The following NDUFAF2 variants were observed in gnomAD, a reference collection of about 807,000 sequenced individuals.
NDUFAF2 encodes NADH dehydrogenase [ubiquinone] 1 alpha subcomplex assembly factor 2.
In NDUFAF2, 13 loss-of-function variants were observed where a neutral mutation model predicts 22.8. The observed-to-expected ratio is 0.57, with a 90% confidence interval of 0.37 to 0.91. NDUFAF2 has a LOEUF of 0.91. Among genes scored for constraint, NDUFAF2 ranks in the 40% least tolerant of loss-of-function variants. The pLI, the probability that NDUFAF2 is intolerant of heterozygous loss-of-function variation, is 0.01. For missense variants in NDUFAF2, 162 were observed against 195.2 expected, an observed-to-expected ratio of 0.83 and a Z score of 1.01; for synonymous variants, 53 against 64.2, an observed-to-expected ratio of 0.83 and a Z score of 0.84.
At chr5:61,126,982 C>A (rs1328474371) in intron 3 of NDUFAF2, among the ~76,000 whole-genome samples, 1 of 152,088 alleles carries the variant, frequency 6.6e-6, no homozygotes, top group Admixed American at 6.6e-5. Flanking sequence ...GAAATACAAA[C>A]TACCATCAGA....
chr5:61,097,480 CA>C (rs995241028), intron 2 of NDUFAF2, among the ~76,000 whole-genome samples: 3 of 152,182 alleles, frequency 2.0e-5, no homozygotes, highest in African/African-American at 7.2e-5. Context: ...ATGGTAAAGT[CA>C]AAAATCCTAA....
At chr5:61,042,167 C>A (rs1344044347) in intron 1 of NDUFAF2, among the ~76,000 whole-genome samples, 1 of 152,058 alleles carries the variant, frequency 6.6e-6, no homozygotes, top group Non-Finnish European at 1.5e-5. Flanking sequence ...ATTATTTAAC[C>A]TTATTCAAAA....
intron 3 of NDUFAF2, among the ~76,000 whole-genome samples, chr5:61,147,590 G>A (rs191423212): frequency 2.2e-4 from 34 of 151,656 alleles, no homozygotes; most frequent in Non-Finnish European, 1.9e-4. Flanking sequence ...TTACTTTTAA[G>A]TTTTGTTAGA....
chr5:61,098,958 G>A, intron 2 of NDUFAF2, 34 bp from the exon 3 acceptor site: 1 of 1,564,116 alleles, frequency 6.4e-7, no homozygotes, highest in South Asian at 1.1e-5. Flanking sequence ...TAAATTATGG[G>A]AAACTGACAT....
chr5:61,093,134 G>C (rs1311561799), intron 2 of NDUFAF2, among the ~76,000 whole-genome samples: 1 of 152,206 alleles, frequency 6.6e-6, no homozygotes, highest in Non-Finnish European at 1.5e-5. Context: ...AGAAGGCTCA[G>C]CAAGTCTGCT....
At position 61,063,577 on chromosome 5, in the gene NDUFAF2, G is replaced by A. The variant is rs992969139; in HGVS notation, c.128-9548G>A. Among the ~76,000 whole-genome samples, 6 of 152,090 alleles carry A rather than the reference G, an allele frequency of 3.9e-5. No individual in the cohort carries two copies. The East Asian group carries it at 7.7e-4, about 19-fold the overall frequency. On this transcript the variant is annotated intron_variant, in intron 1 of 3. Coordinates refer to ENST00000296597, the MANE Select transcript of NDUFAF2 (RefSeq NM_174889.5). ...AAGTTGTTAAGGAATACAAAAAGATGTAGACTGTGGTATCAAAAATGTAAA... is the reference window on the plus strand; with the variant it reads ...AAGTTGTTAAGGAATACAAAAAGATATAGACTGTGGTATCAAAAATGTAAA...
intron 2 of NDUFAF2, among the ~76,000 whole-genome samples, chr5:61,075,888 A>G (rs1752362663): frequency 6.6e-6 from 1 of 152,204 alleles, no homozygotes; most frequent in Non-Finnish European, 1.5e-5. Context: ...AGATTAAACA[A>G]TGTGCCCTTT....
At chr5:60,976,903 A>C (rs1309361804) in intron 1 of NDUFAF2, among the ~76,000 whole-genome samples, 1 of 152,188 alleles carries the variant, frequency 6.6e-6, no homozygotes, top group African/African-American at 2.4e-5. Context: ...AGCTTCTGCC[A>C]CTTGCATTCA....
chr5:61,001,350 G>A (rs538585950), intron 1 of NDUFAF2, among the ~76,000 whole-genome samples: 8 of 152,188 alleles, frequency 5.3e-5, no homozygotes, highest in South Asian at 2.1e-4. Flanking sequence ...TTGGGAGAAC[G>A]CAATGAATAA....
At chr5:61,060,534 A>C (rs1752150580) in intron 1 of NDUFAF2, among the ~76,000 whole-genome samples, 1 of 152,160 alleles carries the variant, frequency 6.6e-6, no homozygotes, top group African/African-American at 2.4e-5. Flanking sequence ...CTATAAAAGG[A>C]GAGACATCAG....
intron 1 of NDUFAF2, among the ~76,000 whole-genome samples, chr5:61,040,855 A>T (rs1283179386): frequency 6.6e-6 from 1 of 152,186 alleles, no homozygotes; most frequent in Non-Finnish European, 1.5e-5. Context: ...ATAGTTAGCA[A>T]AAGTAGGATA....
chr5:61,017,769 C>T (rs1407194694), intron 1 of NDUFAF2, among the ~76,000 whole-genome samples: 1 of 147,600 alleles, frequency 6.8e-6, no homozygotes, highest in African/African-American at 2.5e-5. Context: ...TTTTTTTTTG[C>T]GATGGAGTCT....
intron 1 of NDUFAF2, among the ~76,000 whole-genome samples, chr5:60,961,214 C>T (rs972861674): frequency 2.0e-5 from 3 of 152,152 alleles, no homozygotes. Flanking sequence ...AATCCTAGCA[C>T]TTTGGGAGGC....
At chr5:60,973,119 G>A (rs1750857629) in intron 1 of NDUFAF2, among the ~76,000 whole-genome samples, 1 of 151,922 alleles carries the variant, frequency 6.6e-6, no homozygotes, top group Non-Finnish European at 1.5e-5. Context: ...CCTTGCCTTT[G>A]TTTTAGACTT....
intron 1 of NDUFAF2, among the ~76,000 whole-genome samples, chr5:61,049,256 A>T: frequency 6.6e-6 from 1 of 152,100 alleles, no homozygotes; most frequent in South Asian, 2.1e-4. Context: ...ACTTGGTACA[A>T]AGAGTTTTCT....
intron 1 of NDUFAF2, among the ~76,000 whole-genome samples, chr5:61,013,203 T>A (rs1379962837): frequency 1.3e-5 from 2 of 152,070 alleles, no homozygotes; most frequent in Admixed American, 6.6e-5. Flanking sequence ...TTAAAAAAAA[T>A]TAATCAGCCC....
At chr5:61,052,334 G>A (rs562144043) in intron 1 of NDUFAF2, among the ~76,000 whole-genome samples, 5 of 152,022 alleles carry the variant, frequency 3.3e-5, no homozygotes, top group South Asian at 2.1e-4. Context: ...CTTTTGAGAC[G>A]GAGTCTTGCT....
At chr5:60,978,933 C>T (rs958293541) in intron 1 of NDUFAF2, among the ~76,000 whole-genome samples, 2 of 152,096 alleles carry the variant, frequency 1.3e-5, no homozygotes, top group Non-Finnish European at 2.9e-5. Context: ...GAGAAGGGAG[C>T]GTAAACACGA....
intron 1 of NDUFAF2, among the ~76,000 whole-genome samples, chr5:61,067,291 T>A (rs1220398676): frequency 6.6e-6 from 1 of 151,544 alleles, no homozygotes; most frequent in African/African-American, 2.4e-5. Context: ...GTATATCTCC[T>A]AATGCTATCC....
Sources: allele counts gnomAD v4.1 joint callset (sites outside exome capture counted in the v4.1 genomes callset), GRCh38; gene constraint gnomAD v4.1.1; transcripts MANE v1.5; gene names NCBI Gene and HGNC (gene_info 2026-07-23, HGNC 2026-07-21).